TEX2: variants seen among roughly 807,000 people sequenced by gnomAD.
TEX2 encodes testis expressed 2.
TEX2 carries 53 observed loss-of-function variants against 106.9 expected under a neutral mutation model. The ratio of observed to expected loss-of-function variants is 0.50; its 90% confidence interval spans 0.40 to 0.62. TEX2 has a LOEUF of 0.62. Ranked by LOEUF, TEX2 falls within the 20% of genes least tolerant of loss-of-function variation. The probability of loss-of-function intolerance (pLI) is 0.00; values close to 1 mark genes in which losing one functional copy is unlikely to be tolerated. For missense variants in TEX2, 1,207 were observed against 1,379.0 expected (o/e 0.88, Z 1.98); for synonymous variants, 523 against 534.8 (o/e 0.98, Z 0.30).
intron 5 of TEX2, among the ~76,000 whole-genome samples, chr17:64,183,411 T>G (rs887191902): frequency 6.6e-6 from 1 of 152,154 alleles, no homozygotes; most frequent in African/African-American, 2.4e-5. Flanking sequence ...CAGCAACGTA[T>G]GAGGACTCCA....
chr17:64,249,532 T>G (rs2034052712), intron 1 of TEX2, among the ~76,000 whole-genome samples: 1 of 151,450 alleles, frequency 6.6e-6, no homozygotes, highest in Non-Finnish European at 1.5e-5. Context: ...ATACATATAT[T>G]AAATTTGTTT....
chr17:64,230,193 T>C lies in TEX2; in HGVS notation c.-25-15951A>G, dbSNP rs139007984. On this transcript the variant is annotated intron_variant, in intron 1 of 11. Transcript: ENST00000584379. ...GGGGAAAGAGTGGGACTGAGGGAAA[T>C]AGGAATTGATGGGAGGAATATGAGA... Among the ~76,000 whole-genome samples the C allele has an allele frequency of 3.6e-3, 541 of 149,522 alleles. 3 individuals are homozygous for C. The highest frequency in any genetic ancestry group is 5.0e-3 in the Non-Finnish European group (339 of 67,168).
At chr17:64,187,024 A>G (rs1034652997) in intron 5 of TEX2, among the ~76,000 whole-genome samples, 2 of 152,180 alleles carry the variant, frequency 1.3e-5, no homozygotes, top group African/African-American at 4.8e-5. Context: ...TCCATCACTT[A>G]GCAACTGTGT....
intron 1 of TEX2, among the ~76,000 whole-genome samples, chr17:64,224,616 A>G (rs1191527111): frequency 2.7e-5 from 4 of 149,360 alleles, no homozygotes; most frequent in African/African-American, 9.8e-5. Context: ...CCAGGCCCCT[A>G]CTCACCATCT....
chr17:64,195,472 A>C lies in TEX2; in HGVS notation c.1645-377T>G, dbSNP rs2032438984. ...AATCCCACCCAGTCTGGCCTTCTTA[A>C]TTAGCTAAACACATGCTCTTCCCAG... On this transcript the variant is annotated intron_variant, in intron 2 of 11. Coordinates refer to ENST00000584379, the MANE Select transcript of TEX2 (RefSeq NM_001288732.2). This position sits in a 1 kb window ranked among gnomAD's most constrained non-coding sequence, Gnocchi z 4.1. Among the ~76,000 whole-genome samples the C allele has an allele frequency of 2.0e-5, 3 of 152,108 alleles. No individual in the cohort carries two copies.
At chr17:64,200,844 T>C (rs1555630007) in intron 2 of TEX2, among the ~76,000 whole-genome samples, 1 of 152,094 alleles carries the variant, frequency 6.6e-6, no homozygotes, top group African/African-American at 2.4e-5. Context: ...TTGGCCCTTC[T>C]TCTCCCTACC....
chr17:64,148,588 G>A lies in TEX2; in HGVS notation c.*381C>T, dbSNP rs906867515. On this transcript the variant is annotated 3_prime_UTR_variant, in exon 12 of 12. Coordinates refer to ENST00000584379, the MANE Select transcript of TEX2 (RefSeq NM_001288732.2). ...GAAGTGAAAAAGTCCACTGTGCACC[G>A]GCTGCCTGAAGAAAAGCTTTGGAGG... 5 of 184,844 alleles carry A rather than the reference G, an allele frequency of 2.7e-5. No individual in the cohort carries two copies. The highest frequency in any genetic ancestry group is 9.5e-5 in the African/African-American group (4 of 42,154). 11.5% of individuals were successfully genotyped at this position (184,844 alleles called of 1,614,324 possible). A position where few individuals can be genotyped will look rare whatever the true frequency, so the allele number is the denominator to read the frequency against.
intron 3 of TEX2, 65 bp downstream of exon 3, chr17:64,194,830 A>G (rs780495566): frequency 1.4e-5 from 21 of 1,502,984 alleles, no homozygotes; most frequent in Non-Finnish European, 1.9e-5. Context: ...AATGCAGTTA[A>G]GCATCCAAGA....
chr17:64,181,648 G>A (rs2031867892), intron 5 of TEX2, among the ~76,000 whole-genome samples: 1 of 151,780 alleles, frequency 6.6e-6, no homozygotes, highest in South Asian at 2.1e-4. Context: ...CCAAGTAGCT[G>A]GTATTACAGG....
At position 64,205,695 on chromosome 17, in the gene TEX2, T is replaced by G. The variant is rs1555630668; in HGVS notation, c.1644+6879A>C. Reference sequence around the variant, plus strand: ...TTTTATATATCAAAACCAAAGCCTATATTCAGGGAACCTATTTTTAAAACC... The same window carrying G: ...TTTTATATATCAAAACCAAAGCCTAGATTCAGGGAACCTATTTTTAAAACC... On this transcript the variant is annotated intron_variant, in intron 2 of 11. Transcript: ENST00000584379. The surrounding 1 kb of genome is among the most constrained non-coding windows in gnomAD (Gnocchi z 4.0). Among the ~76,000 whole-genome samples the G allele has an allele frequency of 6.6e-6, 1 of 152,186 alleles. No homozygotes were observed. The highest frequency in any genetic ancestry group is 1.5e-5 in the Non-Finnish European group (1 of 68,036).
chr17:64,255,951 G>A (rs781792667), intron 1 of TEX2: 1 of 152,300 alleles, frequency 6.6e-6, no homozygotes, highest in Non-Finnish European at 1.5e-5. Context: ...GGCAAGAGCA[G>A]AGGAACAGCT....
In TEX2 at chr17:64,198,741, C is replaced by T. The variant is rs557811115; in HGVS notation, c.1645-3646G>A. ...ATTTGATATAAGATAGACATTACTG[C>T]GACAAATCACCATATAAAATATTTT... is the stretch of plus-strand genomic sequence containing the variant. On this transcript the variant is annotated intron_variant, in intron 2 of 11. Coordinates refer to ENST00000584379, the MANE Select transcript of TEX2 (RefSeq NM_001288732.2). Among the ~76,000 whole-genome samples the T allele has an allele frequency of 1.9e-4, 28 of 145,266 alleles. 1 individual carries two copies. In the South Asian group the frequency reaches 2.6e-3, roughly 13 times the overall value.
chr17:64,262,460 C>A (rs2034306016), intron 1 of TEX2, among the ~76,000 whole-genome samples: 1 of 152,228 alleles, frequency 6.6e-6, no homozygotes, highest in Non-Finnish European at 1.5e-5. Flanking sequence ...CTCTAGGCAG[C>A]GTGTGGTGCA....
At position 64,147,991 on chromosome 17, in the gene TEX2, G is replaced by A. The variant is rs2030135150; in HGVS notation, c.*978C>T. The A allele has an allele frequency of 6.6e-6, 1 of 152,614 alleles. No homozygotes were observed. Among genetic ancestry groups the A allele is most frequent in the South Asian group, 2.1e-4 (1 of 4,830 alleles). The allele number at this position is 152,614 out of a possible 1,614,324, so 9.5% of individuals were successfully genotyped here. ...CAACATTAATTTTGAGATGTAGTGT[G>A]ATGCTGAGCAAACTTTTGGTCTTGA... On this transcript the variant is annotated 3_prime_UTR_variant, in exon 12 of 12. Transcript: ENST00000584379.
chr17:64,232,604 A>G (rs558432047), intron 1 of TEX2, among the ~76,000 whole-genome samples: 99 of 152,328 alleles, frequency 6.5e-4, no homozygotes, highest in African/African-American at 2.3e-3. Context: ...ACCTCATTCT[A>G]AAGGTAGTGG....
At chr17:64,223,682 A>G (rs563468030) in intron 1 of TEX2, among the ~76,000 whole-genome samples, 4 of 151,546 alleles carry the variant, frequency 2.6e-5, no homozygotes, top group African/African-American at 9.7e-5. Flanking sequence ...GCCTCCAGGT[A>G]CAGTGTACAG....
chr17:64,148,120 A>G lies in TEX2; in HGVS notation c.*849T>C, dbSNP rs1436702694. The G allele has an allele frequency of 6.6e-6, 1 of 152,622 alleles. No individual in the cohort carries two copies. The highest frequency in any genetic ancestry group is 2.4e-5 in the African/African-American group (1 of 41,444). The allele number at this position is 152,622 out of a possible 1,614,324, so 9.5% of individuals were successfully genotyped here. ...AGATTAACAAACTGTTTCGATTCCC[A>G]TATAAACCTGGAGGACACAGGAAAC... is the stretch of plus-strand genomic sequence containing the variant. On this transcript the variant is annotated 3_prime_UTR_variant, in exon 12 of 12. Transcript: ENST00000584379.
intron 2 of TEX2, among the ~76,000 whole-genome samples, chr17:64,203,398 T>C (rs1029151745): frequency 6.6e-6 from 1 of 152,266 alleles, no homozygotes; most frequent in African/African-American, 2.4e-5. Context: ...GCCCCTCCTG[T>C]TGAAAATCAT....
At position 64,154,849 on chromosome 17, in the gene TEX2, C is replaced by T. The variant is rs757161133; in HGVS notation, c.2923G>A (p.Ala975Thr). The T allele has an allele frequency of 3.7e-6, 6 of 1,602,854 alleles. No homozygotes were observed. In the East Asian group the frequency reaches 6.8e-5, roughly 18 times the overall value. ...SGGDKQLLPG[A>T]EGYVGGHRTS... ...AAGCACTGATCCACTCACCCTTCAG[C>T]CCCTGGGAGGAGCTGTTTGTCTCCC... The change falls in exon 9 of 12, where the codon GCT becomes ACT. Residue 975 changes from alanine to threonine, a missense_variant. This residue lies in a region of TEX2 where 1,067 missense variants were observed against 1,193.6 expected (regional missense o/e 0.89). Transcript: ENST00000584379.
Sources: gnomAD v4.1 joint callset for allele counts (sites outside exome capture counted in the v4.1 genomes callset) on GRCh38, gnomAD v4.1.1 for gene constraint, gnomAD v4.1.1 regional missense constraint, Gnocchi (gnomAD v3.1) non-coding constraint, MANE v1.5 for transcripts, NCBI Gene and HGNC (gene_info 2026-07-23, HGNC 2026-07-21) for gene names.